Variants in ZNF345 observed in about 807,000 individuals in gnomAD.
ZNF345 encodes the protein zinc finger protein HZF10.
For synonymous variants in ZNF345, 166 were observed against 187.9 expected (o/e 0.88, Z 0.95); for missense variants, 527 against 589.9 (o/e 0.89, Z 1.10).
chr19:36,866,132 G>T (rs2072655136), intron 2 of ZNF345, among the ~76,000 whole-genome samples: 1 of 151,932 alleles, frequency 6.6e-6, no homozygotes, highest in African/African-American at 2.4e-5. Flanking sequence ...TTCATATTTA[G>T]TATTTTGTCT....
chr19:36,864,373 A>C (rs2072615809), intron 2 of ZNF345, among the ~76,000 whole-genome samples: 1 of 151,972 alleles, frequency 6.6e-6, no homozygotes, highest in Non-Finnish European at 1.5e-5. Flanking sequence ...CCAATTAGCC[A>C]GGTGTGGTGC....
intron 2 of ZNF345, among the ~76,000 whole-genome samples, chr19:36,860,533 T>G (rs2072526125): frequency 6.6e-6 from 1 of 152,212 alleles, no homozygotes; most frequent in Non-Finnish European, 1.5e-5. Context: ...TTTCATGATC[T>G]TGGAATTTTT....
intron 2 of ZNF345, among the ~76,000 whole-genome samples, chr19:36,863,499 C>T (rs1029808347): frequency 1.3e-5 from 2 of 152,178 alleles, no homozygotes; most frequent in African/African-American, 4.8e-5. Flanking sequence ...GGGTCCCATC[C>T]GTATGTCCCA....
chr19:36,884,024 C>A (rs2072983009), downstream of ZNF345, among the ~76,000 whole-genome samples: 1 of 152,090 alleles, frequency 6.6e-6, no homozygotes, highest in Admixed American at 6.6e-5. Flanking sequence ...TATAATAATT[C>A]ACAGAACTCA....
chr19:36,851,087 T>A (rs2072251051), intron 1 of ZNF345, 119 bp downstream of exon 1: 2 of 152,706 alleles, frequency 1.3e-5, no homozygotes, highest in African/African-American at 2.4e-5. Flanking sequence ...GGGGCGTGTG[T>A]CTGTGCGACC....
intron 2 of ZNF345, among the ~76,000 whole-genome samples, chr19:36,858,693 G>T (rs2072477875): frequency 6.6e-6 from 1 of 152,164 alleles, no homozygotes; most frequent in Non-Finnish European, 1.5e-5. Flanking sequence ...TTGAACCTGG[G>T]AGGTGGAGGT....
chr19:36,886,062 GAGCAACAA>G (rs1455246957), intron 3 of ZNF345, among the ~76,000 whole-genome samples: 1 of 152,066 alleles, frequency 6.6e-6, no homozygotes, highest in Non-Finnish European at 1.5e-5. Flanking sequence ...AAGAAAATTT[GAGCAACAA>G]ATAAAGTGGT....
In ZNF345 at chr19:36,877,564, T is replaced by C. The variant is rs1436040983; in HGVS notation, c.734T>C (p.Leu245Pro). Residue 245 changes from leucine to proline, a missense_variant, in exon 3 of 3, where the codon CTT becomes CCT. Transcript: ENST00000420450. ...ATGGCCTTTAGCAGTGGTTCGGCTC[T>C]TACTCGGCATCAGAGAATTCATACC... ...CGMAFSSGSALTRHQRIHTGE... is the reference protein window; with the variant it reads ...CGMAFSSGSAPTRHQRIHTGE... 6.2e-7 allele frequency: 1 copy of C among 1,614,110 alleles called. No individual in the cohort carries two copies. The highest frequency in any genetic ancestry group is 1.1e-5 in the South Asian group (1 of 91,070).
chr19:36,853,931 C>G (rs1322968921), intron 2 of ZNF345, among the ~76,000 whole-genome samples: 1 of 152,138 alleles, frequency 6.6e-6, no homozygotes, highest in Non-Finnish European at 1.5e-5. Context: ...CCAAACATCT[C>G]TTGGAATTTT....
At position 36,878,435 on chromosome 19, in the gene ZNF345, GA is replaced by G. The variant is rs1024194386; in HGVS notation, c.*145del. ...AGTCAGTCTAAGAATATTTATACAG[GA>G]AAAAAATCACCCCAAATAAAATAAA... On this transcript the variant is annotated 3_prime_UTR_variant, in exon 3 of 3. Coordinates refer to ENST00000420450, the MANE Select transcript of ZNF345 (RefSeq NM_001242472.2). 9.1e-4 allele frequency: 575 copies of G among 632,390 alleles called. 1 individual carries two copies. Among genetic ancestry groups the G allele is most frequent in the Middle Eastern group, 3.8e-3 (8 of 2,082 alleles). The allele number at this position is 632,390 out of a possible 1,614,324, so 39.2% of individuals were successfully genotyped here. A position where few individuals can be genotyped will look rare whatever the true frequency, so the allele number is the denominator to read the frequency against.
Position 36,878,495 on chromosome 19 carries a change from A to T in ZNF345, c.*198A>T. 2.4e-6 allele frequency: 1 copy of T among 419,832 alleles called. No homozygotes were observed. Among genetic ancestry groups the T allele is most frequent in the East Asian group, 3.8e-5 (1 of 26,356 alleles). 26.0% of individuals were successfully genotyped at this position (419,832 alleles called of 1,614,324 possible). On this transcript the variant is annotated 3_prime_UTR_variant, in exon 3 of 3. Coordinates refer to ENST00000420450, the MANE Select transcript of ZNF345 (RefSeq NM_001242472.2). ...GATCCTTATCTATATTCATTCCTTC[A>T]TTACTTTTGGAAAATTCTTACTTGT...
chr19:36,857,332 A>C (rs564205874), intron 2 of ZNF345, among the ~76,000 whole-genome samples: 138 of 152,106 alleles, frequency 9.1e-4, no homozygotes, highest in African/African-American at 3.3e-3. Context: ...TTTGAGACGG[A>C]GTCTTGCTCT....
chr19:36,878,256 C>G lies in ZNF345; in HGVS notation c.1426C>G (p.His476Asp), dbSNP rs2072933345. 1 of 1,600,568 alleles carries G rather than the reference C, an allele frequency of 6.2e-7. No homozygotes were observed. The highest frequency in any genetic ancestry group is 8.5e-7 in the Non-Finnish European group (1 of 1,175,432). Residue 476 changes from histidine (H) to aspartate (D), a missense_variant, in exon 3 of 3, where the codon CAT becomes GAT. Coordinates refer to ENST00000420450, the MANE Select transcript of ZNF345 (RefSeq NM_001242472.2). Reference sequence around the variant, plus strand: ...AGAGTTTCAGCAACATAAGAAAAGTCATAATGGTAAGAAACTCTGCGAATT... The same window carrying G: ...AGAGTTTCAGCAACATAAGAAAAGTGATAATGGTAAGAAACTCTGCGAATT... Reference protein sequence around the residue: ...DSEFQQHKKSHNGKKLCELET... With the variant: ...DSEFQQHKKSDNGKKLCELET...
downstream of ZNF345, among the ~76,000 whole-genome samples, chr19:36,883,174 G>A (rs899434330): frequency 1.3e-5 from 2 of 152,064 alleles, no homozygotes; most frequent in African/African-American, 2.4e-5. Flanking sequence ...ATTTTAATTG[G>A]AGAACACCAT....
chr19:36,877,947 A>G lies in ZNF345; in HGVS notation c.1117A>G (p.Lys373Glu). The change falls in exon 3 of 3, where the codon AAG (lysine) becomes GAG (glutamate). Residue 373 changes from lysine to glutamate, a missense_variant. Physicochemically the swap from Lys to Glu is moderately conservative, Grantham distance 56. Coordinates refer to ENST00000420450, the MANE Select transcript of ZNF345 (RefSeq NM_001242472.2). ...IHTGEKPYEC[K>E]ECGKAFGSGS... ...TACTGGTGAGAAACCCTATGAATGTAAGGAATGTGGGAAGGCCTTTGGTAG... is the reference window on the plus strand; with the variant it reads ...TACTGGTGAGAAACCCTATGAATGTGAGGAATGTGGGAAGGCCTTTGGTAG... 6.2e-7 allele frequency: 1 copy of G among 1,614,172 alleles called. No individual in the cohort carries two copies. Among genetic ancestry groups the G allele is most frequent in the Non-Finnish European group, 8.5e-7 (1 of 1,180,024 alleles).
chr19:36,853,085 A>G (rs1412235326), intron 2 of ZNF345, among the ~76,000 whole-genome samples: 2 of 151,436 alleles, frequency 1.3e-5, no homozygotes, highest in African/African-American at 2.4e-5. Context: ...CTCTGGTTTG[A>G]CTTTTCACTC....
chr19:36,875,780 TTTTCAC>T (rs2072871260), intron 2 of ZNF345, among the ~76,000 whole-genome samples: 1 of 152,166 alleles, frequency 6.6e-6, no homozygotes, highest in African/African-American at 2.4e-5. Context: ...GTGCCGAATG[TTTTCAC>T]TTTTTGGGAT....
At chr19:36,865,909 C>G (rs1353044840) in intron 2 of ZNF345, among the ~76,000 whole-genome samples, 2 of 152,104 alleles carry the variant, frequency 1.3e-5, no homozygotes, top group East Asian at 3.9e-4. Context: ...ATCAAATTCT[C>G]TGATTGTTGT....
intron 2 of ZNF345, 28 bp from the exon 3 acceptor site, chr19:36,876,757 G>C: frequency 7.0e-7 from 1 of 1,431,336 alleles, no homozygotes; most frequent in South Asian, 1.4e-5. Context: ...ACAAAAAAGT[G>C]AATGTTTGCT....
Sources: allele counts gnomAD v4.1 joint callset (sites outside exome capture counted in the v4.1 genomes callset), GRCh38; gene constraint gnomAD v4.1.1; transcripts MANE v1.5; gene names NCBI Gene and HGNC (gene_info 2026-07-23, HGNC 2026-07-21).